CDH23: variants seen among roughly 807,000 people sequenced by gnomAD.
CDH23 encodes cadherin-23.
CDH23 carries 189 observed loss-of-function variants against 317.1 expected under a neutral mutation model. That is an observed-to-expected ratio of 0.60 (90% CI 0.53 to 0.67). The LOEUF (loss-of-function observed/expected upper bound fraction) is 0.67, where lower values mean the gene tolerates loss of function less well. CDH23 is among the 30% of genes least tolerant of loss of function. The pLI is 0.00. For missense variants in CDH23, 4,401 were observed against 4,592.4 expected, an observed-to-expected ratio of 0.96 and a Z score of 1.20; for synonymous variants, 1,839 against 1,876.8, an observed-to-expected ratio of 0.98 and a Z score of 0.52.
At chr10:71,673,204 A>G (rs1006302081) in intron 14 of CDH23, among the ~76,000 whole-genome samples, 5 of 152,184 alleles carry the variant, frequency 3.3e-5, no homozygotes, top group African/African-American at 1.2e-4. Context: ...AGTGAGCCCC[A>G]CAGGTGCCTG....
intron 3 of CDH23, among the ~76,000 whole-genome samples, chr10:71,453,423 C>T (rs1162697241): frequency 6.6e-6 from 1 of 152,246 alleles, no homozygotes; most frequent in Non-Finnish European, 1.5e-5. Context: ...GCAGGAGCAG[C>T]CCCTGTAGAG....
rs1864123236 is a variant in CDH23 at position 71,671,005 on chromosome 10, G to GC, written c.1450-4106dup. Among the ~76,000 whole-genome samples, 22 of 150,356 alleles carry GC rather than the reference G, an allele frequency of 1.5e-4. 1 individual carries two copies. In the South Asian group the frequency reaches 4.7e-3, roughly 32 times the overall value. On this transcript the variant is annotated intron_variant, in intron 14 of 69. Transcript: ENST00000224721. ...TTGACAGGGTCTCACTGTCACACAG[G>GC]CTGGAGTGCAGTGGTGCAATCTCGG...
chr10:71,576,867 TTCAG>T (rs1280133414), intron 8 of CDH23, among the ~76,000 whole-genome samples: 44 of 152,320 alleles, frequency 2.9e-4, no homozygotes, highest in African/African-American at 1.1e-3. Context: ...CGTTTGTTTA[TTCAG>T]TCAATCAATC....
intron 1 of CDH23, among the ~76,000 whole-genome samples, chr10:71,424,629 G>C (rs1436093768): frequency 3.3e-5 from 5 of 152,178 alleles, no homozygotes; most frequent in Admixed American, 1.3e-4. Flanking sequence ...ATAGTGTCAG[G>C]CTGTTCACAC....
At position 71,803,220 on chromosome 10, in the gene CDH23, G is replaced by A; in HGVS notation, c.7672G>A (p.Val2558Met). ...LEGPGVEAFH[V>M]DMDSGLVTTQ... ...GCTCCCACTGCCAGAGGCCTTCCAT[G>A]TGGACATGGACTCGGGCTTGGTGAC... The change falls in exon 55 of 70, where the codon GTG (valine) becomes ATG (methionine). Residue 2558 changes from valine to methionine, a missense_variant. Physicochemically the swap from Val to Met is conservative, Grantham distance 21 (BLOSUM62 1). Transcript: ENST00000224721. The A allele has an allele frequency of 6.2e-7, 1 of 1,606,526 alleles. No individual in the cohort carries two copies. Among genetic ancestry groups the A allele is most frequent in the South Asian group, 1.1e-5 (1 of 90,014 alleles).
chr10:71,463,912 TC>T, intron 3 of CDH23, among the ~76,000 whole-genome samples: 1 of 152,336 alleles, frequency 6.6e-6, no homozygotes, highest in Middle Eastern at 3.4e-3. Context: ...CAATACCCAA[TC>T]CCTGGAGTCC....
At chr10:71,603,497 T>C (rs1860348811) in intron 9 of CDH23, among the ~76,000 whole-genome samples, 1 of 152,098 alleles carries the variant, frequency 6.6e-6, no homozygotes, top group Non-Finnish European at 1.5e-5. Flanking sequence ...CTGGGGGACC[T>C]GGGGCACCTT....
At chr10:71,522,844 C>T (rs1854777012) in intron 6 of CDH23, among the ~76,000 whole-genome samples, 1 of 152,074 alleles carries the variant, frequency 6.6e-6, no homozygotes, top group South Asian at 2.1e-4. Flanking sequence ...GGGGTCTTTT[C>T]CCCTCATACT....
intron 38 of CDH23, among the ~76,000 whole-genome samples, chr10:71,767,890 G>A (rs1307107799): frequency 3.3e-5 from 5 of 152,196 alleles, no homozygotes; most frequent in Admixed American, 1.3e-4. Context: ...TGCATCCGGG[G>A]CTGGAGCTGG....
At chr10:71,545,259 G>A (rs2132298108) in intron 6 of CDH23, among the ~76,000 whole-genome samples, 1 of 152,310 alleles carries the variant, frequency 6.6e-6, no homozygotes, top group African/African-American at 2.4e-5. Flanking sequence ...CCAGGCCACG[G>A]CAGGGGAGGG....
intron 22 of CDH23, among the ~76,000 whole-genome samples, chr10:71,697,751 C>T (rs1865447034): frequency 6.6e-6 from 1 of 152,174 alleles, no homozygotes; most frequent in African/African-American, 2.4e-5. Context: ...CAGTGGTTCC[C>T]ATCTCACCCT....
intron 38 of CDH23, among the ~76,000 whole-genome samples, chr10:71,759,745 G>A (rs1222929772): frequency 6.6e-6 from 1 of 151,348 alleles, no homozygotes; most frequent in African/African-American, 2.4e-5. Flanking sequence ...CCGGGAGGCG[G>A]AGGTTGCAGT....
Position 71,617,391 on chromosome 10 carries a change from G to A in CDH23, c.1132G>A (p.Glu378Lys). The part of the protein sequence containing the change: ...PLFIQVVDKD[E>K]NLGLNSMFEV... ...CTTCATCCAGGTGGTGGACAAGGAT[G>A]AGGTGAGTCCCTGGACACATGGCCC... Residue 378 changes from glutamate (E) to lysine (K), a missense_variant and splice_region_variant, in exon 11 of 70, where the codon GAG becomes AAG. By Grantham distance (56) the Glu-to-Lys change is moderately conservative (BLOSUM62 1). This residue lies in a region of CDH23 where 3,068 missense variants were observed against 3,203.3 expected (regional missense o/e 0.96). Transcript: ENST00000224721. The A allele has an allele frequency of 6.2e-7, 1 of 1,613,176 alleles. No homozygotes were observed. Among genetic ancestry groups the A allele is most frequent in the Non-Finnish European group, 8.5e-7 (1 of 1,179,870 alleles).
chr10:71,489,863 A>G (rs1852556946), intron 3 of CDH23, among the ~76,000 whole-genome samples: 1 of 152,204 alleles, frequency 6.6e-6, no homozygotes, highest in Non-Finnish European at 1.5e-5. Flanking sequence ...TAGGGTTACA[A>G]ATCCTTAAGA....
At chr10:71,468,262 T>C (rs1425830300) in intron 3 of CDH23, among the ~76,000 whole-genome samples, 1 of 152,088 alleles carries the variant, frequency 6.6e-6, no homozygotes, top group Non-Finnish European at 1.5e-5. Context: ...TTAAGCCAAA[T>C]CCTTAACACT....
chr10:71,804,826 T>A (rs1025338738), intron 55 of CDH23, among the ~76,000 whole-genome samples: 1 of 152,232 alleles, frequency 6.6e-6, no homozygotes, highest in Admixed American at 6.5e-5. Context: ...TTATAATTTA[T>A]GTATTCTTGT....
In CDH23 at chr10:71,612,757, A is replaced by C. The variant is rs909450747; in HGVS notation, c.833-2747A>C. On this transcript the variant is annotated intron_variant, in intron 9 of 69. Transcript: ENST00000224721. Reference sequence around the variant, plus strand: ...CAGCTGAGCCTTAGGGGCTCAGAGGACCTCAGCCCCTACAGGGCCCTGCAC... The same window carrying C: ...CAGCTGAGCCTTAGGGGCTCAGAGGCCCTCAGCCCCTACAGGGCCCTGCAC... Among the ~76,000 whole-genome samples the C allele has an allele frequency of 8.5e-5, 13 of 152,164 alleles. 1 individual carries two copies. The highest frequency in any genetic ancestry group is 2.9e-4 in the African/African-American group (12 of 41,436).
rs1276095653 is a variant in CDH23, at chr10:71,689,310, A to C, written c.2060-1158A>C. ...CCTCTGGGTACCACTCTGGCACCTG[A>C]CAATGAGCTGGGTGGGTGCTGGGCT... On this transcript the variant is annotated intron_variant, in intron 19 of 69. Coordinates refer to ENST00000224721, the MANE Select transcript of CDH23 (RefSeq NM_022124.6). Among the ~76,000 whole-genome samples, 3 of 152,016 alleles carry C rather than the reference A, an allele frequency of 2.0e-5. No homozygotes were observed. In the East Asian group the frequency reaches 5.8e-4, roughly 29 times the overall value.
intron 6 of CDH23, among the ~76,000 whole-genome samples, chr10:71,532,369 T>C (rs951424566): frequency 6.6e-6 from 1 of 152,256 alleles, no homozygotes; most frequent in Non-Finnish European, 1.5e-5. Flanking sequence ...AGCTGGGCTC[T>C]GAGGCCCCGA....
Sources: allele counts gnomAD v4.1 joint callset (sites outside exome capture counted in the v4.1 genomes callset), GRCh38; gene constraint gnomAD v4.1.1; regional missense constraint gnomAD v4.1.1; transcripts MANE v1.5; gene names NCBI Gene and HGNC (gene_info 2026-07-23, HGNC 2026-07-21).